Variants in CSMD1 observed in about 807,000 individuals in gnomAD.
The protein encoded by CSMD1 is CUB and sushi domain-containing protein 1.
In CSMD1, 213 loss-of-function variants were observed where a neutral mutation model predicts 417.5. That is an observed-to-expected ratio of 0.51 (90% confidence interval 0.46 to 0.57). CSMD1 has a LOEUF of 0.57. CSMD1 is among the 20% of genes least tolerant of loss of function. CSMD1 has a pLI of 0.00. For synonymous variants in CSMD1, 2,862 were observed against 1,736.8 expected, an observed-to-expected ratio of 1.65 and a Z score of -16.11; for missense variants, 6,923 against 4,529.7, an observed-to-expected ratio of 1.53 and a Z score of -15.17.
intron 18 of CSMD1, among the ~76,000 whole-genome samples, chr8:3,384,359 T>A (rs1810835565): frequency 6.6e-6 from 1 of 152,020 alleles, no homozygotes; most frequent in Non-Finnish European, 1.5e-5. Flanking sequence ...CACTATGTCT[T>A]AATAGGATAT....
chr8:3,225,224 A>C (rs1262717188), intron 27 of CSMD1, among the ~76,000 whole-genome samples: 1 of 152,154 alleles, frequency 6.6e-6, no homozygotes, highest in Non-Finnish European at 1.5e-5. Context: ...AAGAAATAAC[A>C]ACTAACTCCA....
chr8:3,763,962 C>T (rs1024511136), intron 5 of CSMD1, among the ~76,000 whole-genome samples: 5 of 152,124 alleles, frequency 3.3e-5, no homozygotes, highest in South Asian at 2.1e-4. Flanking sequence ...GCCCTAGAAA[C>T]GTCCTCAATT....
chr8:3,819,429 G>C (rs1002534210), intron 5 of CSMD1, among the ~76,000 whole-genome samples: 6 of 152,040 alleles, frequency 3.9e-5, no homozygotes, highest in Non-Finnish European at 8.8e-5. Context: ...ACAAGGTAAA[G>C]AAAGTTGGAA....
At chr8:4,704,555 T>C (rs1481825727) in intron 1 of CSMD1, among the ~76,000 whole-genome samples, 2 of 152,234 alleles carry the variant, frequency 1.3e-5, no homozygotes, top group Non-Finnish European at 2.9e-5. Context: ...TGACTGCTTT[T>C]GATTACAGAA....
intron 5 of CSMD1, among the ~76,000 whole-genome samples, chr8:3,978,411 ATTTT>A (rs201358456): frequency 6.6e-6 from 1 of 151,820 alleles, no homozygotes; most frequent in South Asian, 2.1e-4. Flanking sequence ...TTCCACTCAT[ATTTT>A]TTTTCTATTC....
chr8:3,468,857 T>A lies in CSMD1; in HGVS notation c.1449-33A>T. 3 of 1,436,922 alleles carry A rather than the reference T, an allele frequency of 2.1e-6. No homozygotes were observed. In the South Asian group the frequency reaches 3.7e-5, roughly 17 times the overall value. 89.0% of individuals were successfully genotyped at this position (1,436,922 alleles called of 1,614,324 possible). Reference sequence around the variant, plus strand: ...AAAGAGAAATGTCAAAGCTTTTAGGTAAGGCAACAAGTACATCGACTTCCA... The same window carrying A: ...AAAGAGAAATGTCAAAGCTTTTAGGAAAGGCAACAAGTACATCGACTTCCA... On this transcript the variant is annotated intron_variant, in intron 11 of 69. Coordinates refer to ENST00000635120, the MANE Select transcript of CSMD1 (RefSeq NM_033225.6).
At chr8:4,351,430 G>T (rs1309110471) in intron 3 of CSMD1, among the ~76,000 whole-genome samples, 1 of 152,206 alleles carries the variant, frequency 6.6e-6, no homozygotes. Context: ...AAGGTAAGAA[G>T]AGTTACTTAA....
intron 12 of CSMD1, among the ~76,000 whole-genome samples, chr8:3,463,591 T>G (rs956935058): frequency 6.6e-6 from 1 of 152,228 alleles, no homozygotes; most frequent in Non-Finnish European, 1.5e-5. Flanking sequence ...GACAGGGGCA[T>G]GAGCTCACTT....
chr8:3,329,844 G>T (rs146478745), intron 23 of CSMD1, among the ~76,000 whole-genome samples: 1,582 of 152,304 alleles, frequency 0.01, 34 homozygotes, highest in African/African-American at 0.036. Flanking sequence ...TAGGGGCACA[G>T]GGCACAGTGC....
chr8:3,487,974 T>G (rs933462741), intron 11 of CSMD1, among the ~76,000 whole-genome samples: 5 of 151,714 alleles, frequency 3.3e-5, no homozygotes, highest in Non-Finnish European at 5.9e-5. Context: ...GTAATTTACT[T>G]TCCAGACACA....
intron 3 of CSMD1, among the ~76,000 whole-genome samples, chr8:4,377,001 G>A (rs1802791507): frequency 6.6e-6 from 1 of 152,164 alleles, no homozygotes; most frequent in Non-Finnish European, 1.5e-5. Flanking sequence ...CTGTGCCCCG[G>A]GACACAGGTA....
chr8:4,011,120 T>C (rs1816503378), intron 4 of CSMD1, among the ~76,000 whole-genome samples: 2 of 152,160 alleles, frequency 1.3e-5, no homozygotes, highest in South Asian at 2.1e-4. Context: ...GAAAGATAAA[T>C]TATGTAATCT....
chr8:4,738,548 G>A (rs544579050), intron 1 of CSMD1, among the ~76,000 whole-genome samples: 1 of 152,030 alleles, frequency 6.6e-6, no homozygotes, highest in African/African-American at 2.4e-5. Context: ...CATAACAGGG[G>A]AACTACAATT....
intron 1 of CSMD1, among the ~76,000 whole-genome samples, chr8:4,950,937 A>G (rs536731049): frequency 4.7e-4 from 71 of 152,122 alleles, no homozygotes; most frequent in South Asian, 8.3e-4. Context: ...ATAACTGACC[A>G]ATTACAAAAC....
At chr8:4,195,682 G>A (rs1486727887) in intron 3 of CSMD1, among the ~76,000 whole-genome samples, 1 of 152,180 alleles carries the variant, frequency 6.6e-6, no homozygotes, top group Non-Finnish European at 1.5e-5. Context: ...AGGCTGTGTT[G>A]AAGAATTCCA....
chr8:4,441,095 G>GTTTTTTGTTTTTTTTTTTT (rs1554478144), intron 2 of CSMD1, among the ~76,000 whole-genome samples: 6 of 51,296 alleles, frequency 1.2e-4, no homozygotes, highest in African/African-American at 4.0e-4. Flanking sequence ...TAATCAAAAG[G>GTTTTTTGTTTTTTTTTTTT]TTTTTTTTTT....
At chr8:3,262,672 A>G (rs1801166755) in intron 26 of CSMD1, among the ~76,000 whole-genome samples, 1 of 152,190 alleles carries the variant, frequency 6.6e-6, no homozygotes, top group Non-Finnish European at 1.5e-5. Flanking sequence ...ACATTATTCA[A>G]GCAAACATGG....
At chr8:3,114,575 G>A (rs191918332) in intron 42 of CSMD1, among the ~76,000 whole-genome samples, 12 of 151,736 alleles carry the variant, frequency 7.9e-5, no homozygotes, top group Middle Eastern at 3.4e-3. Context: ...TGTTACTCTG[G>A]TTTCCTTAGA....
intron 5 of CSMD1, among the ~76,000 whole-genome samples, chr8:3,857,990 C>T (rs550055087): frequency 1.4e-4 from 22 of 152,292 alleles, no homozygotes; most frequent in African/African-American, 4.3e-4. Flanking sequence ...CGGCATGGTG[C>T]GGTCTCTGCA....
Sources: gnomAD v4.1 joint callset for allele counts (sites outside exome capture counted in the v4.1 genomes callset) on GRCh38, gnomAD v4.1.1 for gene constraint, MANE v1.5 for transcripts, NCBI Gene and HGNC (gene_info 2026-07-23, HGNC 2026-07-21) for gene names.